SGK1: variants seen among roughly 807,000 people sequenced by gnomAD.
SGK1 encodes the protein serine/threonine-protein kinase Sgk1.
In SGK1, 26 loss-of-function variants were observed where a neutral mutation model predicts 64.2. The ratio of observed to expected loss-of-function variants is 0.40; its 90% CI spans 0.30 to 0.56. SGK1 has a LOEUF of 0.56. Among genes scored for constraint, SGK1 ranks in the 20% least tolerant of loss-of-function variants. The pLI, the probability that SGK1 is intolerant of heterozygous loss-of-function variation, is 0.38. For synonymous variants in SGK1, 265 were observed against 239.7 expected (o/e 1.11, Z -0.98); for missense variants, 519 against 645.6 (o/e 0.80, Z 2.12).
chr6:134,255,745 T>G (rs1582745398), intron 2 of SGK1, among the ~76,000 whole-genome samples: 1 of 151,596 alleles, frequency 6.6e-6, no homozygotes, highest in East Asian at 1.9e-4. Context: ...CCACCACACC[T>G]GGCTAATTTT....
chr6:134,297,340 G>C, intron 1 of SGK1: 2 of 1,064,948 alleles, frequency 1.9e-6, no homozygotes, highest in Non-Finnish European at 1.4e-6. Context: ...TGCTAGGCCC[G>C]CTGCAGGGCG....
chr6:134,177,823 G>A (rs1478522026), intron 3 of SGK1: 1 of 1,611,554 alleles, frequency 6.2e-7, no homozygotes, highest in Non-Finnish European at 8.5e-7. Context: ...GAGATGACAT[G>A]AGAGCACGAG....
chr6:134,185,982 G>A (rs1321690636), intron 3 of SGK1, among the ~76,000 whole-genome samples: 2 of 152,070 alleles, frequency 1.3e-5, no homozygotes, highest in African/African-American at 2.4e-5. Context: ...CCGCATTAGT[G>A]GGGGCGGGTC....
At chr6:134,303,676 C>G (rs376483488) in intron 1 of SGK1, among the ~76,000 whole-genome samples, 2 of 151,180 alleles carry the variant, frequency 1.3e-5, no homozygotes, top group African/African-American at 4.9e-5. Flanking sequence ...CCTAGCTACT[C>G]GAGAGGCTGA....
rs11345877 is a variant in SGK1 at position 134,180,871 on chromosome 6, CAA to C, written c.362-6287_362-6286del. On this transcript the variant is annotated intron_variant, in intron 3 of 13. Coordinates refer to ENST00000367858, the MANE Select transcript of SGK1 (RefSeq NM_001143676.3). ...GGGGCAACAAAGTGAGATCCTATCT[CAA>C]AAAAAAAAAAAAAAGGACTCTGGCC... 3.8e-3 allele frequency among the ~76,000 whole-genome samples: 486 copies of C among 127,882 alleles called. 1 individual carries two copies. Among genetic ancestry groups the C allele is most frequent in the African/African-American group, 7.2e-3 (260 of 35,996 alleles). 83.9% of individuals were successfully genotyped at this position (127,882 alleles called of 152,430 possible).
Position 134,317,699 on chromosome 6 carries a change from T to G in SGK1, c.-239A>C. ...CTCCTTCCATCATTGCTCCGAAACATATGCATCACCGCTGCAGGACCCTGG... is the reference window on the plus strand; with the variant it reads ...CTCCTTCCATCATTGCTCCGAAACAGATGCATCACCGCTGCAGGACCCTGG... On this transcript the variant is annotated 5_prime_UTR_variant, in exon 1 of 14. It removes an upstream start codon present in the reference 5' UTR. Coordinates refer to ENST00000367858, the MANE Select transcript of SGK1 (RefSeq NM_001143676.3). 1.9e-6 allele frequency: 1 copy of G among 530,902 alleles called. No homozygotes were observed. Among genetic ancestry groups the G allele is most frequent in the Non-Finnish European group, 3.4e-6 (1 of 297,166 alleles). The allele number at this position is 530,902 out of a possible 1,614,324, so 32.9% of individuals were successfully genotyped here. A position where few individuals can be genotyped will look rare whatever the true frequency, so the allele number is the denominator to read the frequency against.
At chr6:134,288,638 A>T (rs1007637867) in intron 1 of SGK1, among the ~76,000 whole-genome samples, 31 of 152,222 alleles carry the variant, frequency 2.0e-4, no homozygotes, top group Admixed American at 7.2e-4. Flanking sequence ...AGGAGAACTG[A>T]TTGCAAAACC....
rs371988376 is a variant in SGK1, at chr6:134,264,932, G to A, written c.70-2784C>T. ...CAAAGTGTTGGGATTACAAGTGTGAGCCACCATGCCCAGCCTGCAATTAAC... is the reference window on the plus strand; with the variant it reads ...CAAAGTGTTGGGATTACAAGTGTGAACCACCATGCCCAGCCTGCAATTAAC... On this transcript the variant is annotated intron_variant, in intron 1 of 13. Transcript: ENST00000367858. 3.9e-5 allele frequency among the ~76,000 whole-genome samples: 6 copies of A among 152,270 alleles called. No homozygotes were observed. The South Asian group carries it at 1.0e-3, about 26-fold the overall frequency.
At chr6:134,232,605 C>T (rs993796787) in intron 2 of SGK1, among the ~76,000 whole-genome samples, 8 of 151,968 alleles carry the variant, frequency 5.3e-5, no homozygotes, top group Non-Finnish European at 7.4e-5. Flanking sequence ...AATCCCAGCA[C>T]TTTGGGAGGC....
intron 8 of SGK1, 57 bp from the exon 9 acceptor site, chr6:134,172,831 C>T: frequency 7.5e-7 from 1 of 1,337,680 alleles, no homozygotes; most frequent in East Asian, 2.3e-5. Context: ...TTAGTTTTGA[C>T]ATACACAGCA....
chr6:134,300,473 G>A (rs2114791210), intron 1 of SGK1, among the ~76,000 whole-genome samples: 1 of 149,082 alleles, frequency 6.7e-6, no homozygotes, highest in African/African-American at 2.5e-5. Context: ...GGGAGGCGGA[G>A]GTTGCAGTGA....
chr6:134,232,506 A>AGAGG (rs1253170866), intron 2 of SGK1, among the ~76,000 whole-genome samples: 6 of 144,648 alleles, frequency 4.1e-5, no homozygotes, highest in Non-Finnish European at 6.1e-5. Context: ...AAAAGAAAGA[A>AGAGG]GAGGGAGGGA....
intron 2 of SGK1, among the ~76,000 whole-genome samples, chr6:134,227,265 G>T (rs749602839): frequency 3.3e-5 from 5 of 152,170 alleles, no homozygotes; most frequent in Non-Finnish European, 4.4e-5. Flanking sequence ...CTCCTGAGTA[G>T]CTGGGATTAC....
intron 2 of SGK1, among the ~76,000 whole-genome samples, chr6:134,243,531 G>A (rs761541531): frequency 2.0e-4 from 31 of 151,974 alleles, no homozygotes; most frequent in Non-Finnish European, 3.7e-4. Flanking sequence ...CAACATGCTC[G>A]GCTAAGTTTG....
chr6:134,294,436 T>A (rs980774641), intron 1 of SGK1, among the ~76,000 whole-genome samples: 1 of 152,202 alleles, frequency 6.6e-6, no homozygotes, highest in African/African-American at 2.4e-5. Flanking sequence ...ACCATTCTAC[T>A]TTCTGTCTAT....
In SGK1 at chr6:134,220,827, CA is replaced by C. The variant is rs1180370248; in HGVS notation, c.286-13397del. Among the ~76,000 whole-genome samples the C allele has an allele frequency of 4.1e-5, 6 of 145,964 alleles. No homozygotes were observed. The East Asian group carries it at 8.4e-4, about 20-fold the overall frequency. ...CAAAACGCCATCTCTACTAAAAATA[CA>C]AAAATTAGTCAGGCATGGTGGCCCA... On this transcript the variant is annotated intron_variant, in intron 2 of 13. Coordinates refer to ENST00000367858, the MANE Select transcript of SGK1 (RefSeq NM_001143676.3).
intron 2 of SGK1, among the ~76,000 whole-genome samples, chr6:134,241,810 C>G (rs556390640): frequency 6.6e-6 from 1 of 151,570 alleles, no homozygotes; most frequent in East Asian, 2.0e-4. Context: ...TTAGTAGAGA[C>G]GGCGTTTCAC....
At chr6:134,241,889 G>A (rs1003599634) in intron 2 of SGK1, among the ~76,000 whole-genome samples, 3 of 151,826 alleles carry the variant, frequency 2.0e-5, no homozygotes, top group African/African-American at 4.8e-5. Flanking sequence ...CAAAGTGCTG[G>A]GATTACAGGC....
chr6:134,170,039 A>G lies in SGK1; in HGVS notation c.*229T>C, dbSNP rs1774960349. 5.7e-6 allele frequency: 2 copies of G among 348,860 alleles called. No individual in the cohort carries two copies. The highest frequency in any genetic ancestry group is 4.1e-5 in the African/African-American group (2 of 49,042). The allele number at this position is 348,860 out of a possible 1,614,324, so 21.6% of individuals were successfully genotyped here. ...CGGCACTCTAACGCTCGTTTCAGAG[A>G]TAGCACCACGTTGGAAGGAAGAATA... is the stretch of plus-strand genomic sequence containing the variant. On this transcript the variant is annotated 3_prime_UTR_variant, in exon 14 of 14. Coordinates refer to ENST00000367858, the MANE Select transcript of SGK1 (RefSeq NM_001143676.3).
Sources: gnomAD v4.1 joint callset for allele counts (sites outside exome capture counted in the v4.1 genomes callset) on GRCh38, gnomAD v4.1.1 for gene constraint, MANE v1.5 for transcripts, NCBI Gene and HGNC (gene_info 2026-07-23, HGNC 2026-07-21) for gene names.